TRAPPC9: variants seen among roughly 807,000 people sequenced by gnomAD.
The protein encoded by TRAPPC9 is IKK2 binding protein.
Under a neutral mutation model 124.0 loss-of-function variants are expected in TRAPPC9, and 83 were observed. The ratio of observed to expected loss-of-function variants is 0.67; its 90% confidence interval spans 0.56 to 0.80. The LOEUF is 0.80. Among genes scored for constraint, TRAPPC9 ranks in the 30% least tolerant of loss-of-function variants. TRAPPC9 has a pLI of 0.00. For missense variants in TRAPPC9, 1,302 were observed against 1,508.3 expected (o/e 0.86, Z 2.27); for synonymous variants, 638 against 617.5 (o/e 1.03, Z -0.49).
intron 8 of TRAPPC9, among the ~76,000 whole-genome samples, chr8:140,368,132 T>C (rs1400307248): frequency 6.6e-6 from 1 of 152,190 alleles, no homozygotes; most frequent in Non-Finnish European, 1.5e-5. Context: ...GCTGTGCTGA[T>C]GACTGGACTC....
At chr8:140,424,738 A>T (rs2070362865) in intron 5 of TRAPPC9, among the ~76,000 whole-genome samples, 1 of 152,128 alleles carries the variant, frequency 6.6e-6, no homozygotes, top group Non-Finnish European at 1.5e-5. Flanking sequence ...AAGAACACAA[A>T]GGCCTAGCTG....
chr8:139,905,175 G>A (rs1322188311), intron 20 of TRAPPC9, among the ~76,000 whole-genome samples: 1 of 151,992 alleles, frequency 6.6e-6, no homozygotes, highest in Admixed American at 6.6e-5. Context: ...AGATGCCCCC[G>A]CCCTCCAGGG....
At chr8:140,335,194 T>G (rs1179285540) in intron 9 of TRAPPC9, among the ~76,000 whole-genome samples, 1 of 151,958 alleles carries the variant, frequency 6.6e-6, no homozygotes, top group Non-Finnish European at 1.5e-5. Context: ...TAGCTTGCAT[T>G]CTAAGGAGGT....
intron 17 of TRAPPC9, among the ~76,000 whole-genome samples, chr8:140,109,026 C>T (rs2060716951): frequency 6.6e-6 from 1 of 152,150 alleles, no homozygotes; most frequent in South Asian, 2.1e-4. Context: ...TTTATAACTA[C>T]CCAAAATACT....
chr8:140,243,182 T>C (rs1310578140), intron 16 of TRAPPC9, among the ~76,000 whole-genome samples: 1 of 152,158 alleles, frequency 6.6e-6, no homozygotes, highest in African/African-American at 2.4e-5. Flanking sequence ...AGGTGGTCCA[T>C]GGGCCGTGAC....
At chr8:139,839,547 T>C (rs1826589698) in intron 21 of TRAPPC9, among the ~76,000 whole-genome samples, 1 of 152,162 alleles carries the variant, frequency 6.6e-6, no homozygotes, top group Non-Finnish European at 1.5e-5. Context: ...GTCAATGATT[T>C]TGGCCTCTGT....
intron 20 of TRAPPC9, among the ~76,000 whole-genome samples, chr8:139,887,042 C>T (rs566256948): frequency 8.5e-5 from 13 of 152,130 alleles, no homozygotes; most frequent in Admixed American, 7.2e-4. Flanking sequence ...GCGGGCATAT[C>T]CCCCTCATCA....
intron 21 of TRAPPC9, among the ~76,000 whole-genome samples, chr8:139,796,715 G>T (rs1381045549): frequency 2.0e-5 from 3 of 152,220 alleles, no homozygotes; most frequent in African/African-American, 7.2e-5. Context: ...TGCTATGAAG[G>T]TTTGTGTACA....
rs1431916113 is a variant in TRAPPC9, at chr8:140,287,648, G to A, written c.1941C>T (p.Leu647=). 8.1e-6 allele frequency: 13 copies of A among 1,614,036 alleles called. No individual in the cohort carries two copies. The Admixed American group carries it at 8.3e-5, about 10-fold the overall frequency. The part of the protein sequence containing the change: ...PAESGLYPVT[L]VGVPQTTGTI... ...TTCCAGTCGTCTGCGGGACCCCGAC[G>A]AGCGTCACTGGGTACAGACCAGATT... The change falls in exon 13 of 23, where the codon CTC becomes CTT. Residue 647 remains leucine, a synonymous_variant. Coordinates refer to ENST00000438773, the MANE Select transcript of TRAPPC9 (RefSeq NM_001160372.4).
chr8:140,052,914 T>G (rs367884138), intron 17 of TRAPPC9, among the ~76,000 whole-genome samples: 4 of 152,212 alleles, frequency 2.6e-5, no homozygotes, highest in South Asian at 2.1e-4. Flanking sequence ...ACCACTGCAC[T>G]CCAGCCTGAG....
intron 18 of TRAPPC9, among the ~76,000 whole-genome samples, chr8:139,989,349 G>A (rs919637617): frequency 1.3e-5 from 2 of 152,178 alleles, no homozygotes; most frequent in African/African-American, 2.4e-5. Context: ...TCTCCCATGC[G>A]GGCACCTCTC....
intron 18 of TRAPPC9, among the ~76,000 whole-genome samples, chr8:140,016,544 A>G (rs1280696255): frequency 6.6e-6 from 1 of 152,208 alleles, no homozygotes; most frequent in African/African-American, 2.4e-5. Flanking sequence ...ATGGAGTCAC[A>G]CAGTATGTTT....
intron 20 of TRAPPC9, among the ~76,000 whole-genome samples, chr8:139,895,548 CTACT>C (rs1830615705): frequency 6.6e-6 from 1 of 152,114 alleles, no homozygotes; most frequent in African/African-American, 2.4e-5. Context: ...CCATGTGCAC[CTACT>C]TAAAGTAATA....
intron 21 of TRAPPC9, among the ~76,000 whole-genome samples, chr8:139,881,999 G>A (rs1269973686): frequency 6.6e-6 from 1 of 152,192 alleles, no homozygotes; most frequent in African/African-American, 2.4e-5. Context: ...CCAGTCCCTG[G>A]GGTGGGCAAG....
At chr8:140,272,073 A>AGAGAG (rs2064911887) in intron 15 of TRAPPC9, among the ~76,000 whole-genome samples, 1 of 86,052 alleles carries the variant, frequency 1.2e-5, no homozygotes. Context: ...GATGGTGATG[A>AGAGAG]TGGTGGTGGT....
chr8:140,371,301 A>G, intron 7 of TRAPPC9, 121 bp from the exon 8 acceptor site: 1 of 1,118,010 alleles, frequency 8.9e-7, no homozygotes, highest in Non-Finnish European at 1.3e-6. Context: ...AGAATCAAGG[A>G]GAGGGAAAGC....
chr8:140,393,140 C>T (rs542864851), intron 7 of TRAPPC9, among the ~76,000 whole-genome samples: 20 of 151,588 alleles, frequency 1.3e-4, no homozygotes, highest in African/African-American at 4.6e-4. Flanking sequence ...GGCGCCATCT[C>T]GGCGCACTGC....
chr8:140,187,409 G>T (rs529767625), intron 17 of TRAPPC9, among the ~76,000 whole-genome samples: 4 of 152,092 alleles, frequency 2.6e-5, no homozygotes, highest in African/African-American at 4.8e-5. Context: ...GAGTTGGGAC[G>T]CTCGACCTAT....
intron 14 of TRAPPC9, among the ~76,000 whole-genome samples, chr8:140,279,530 A>C (rs1417627481): frequency 6.6e-6 from 1 of 152,170 alleles, no homozygotes; most frequent in African/African-American, 2.4e-5. Context: ...TTAACTCCAA[A>C]TCGGTTCCAC....
Sources: gnomAD v4.1 joint callset for allele counts (sites outside exome capture counted in the v4.1 genomes callset) on GRCh38, gnomAD v4.1.1 for gene constraint, MANE v1.5 for transcripts, NCBI Gene and HGNC (gene_info 2026-07-23, HGNC 2026-07-21) for gene names.